The following ASCC2 variants were observed in gnomAD, a reference collection of about 807,000 sequenced individuals.
ASCC2 encodes the protein ASC-1 complex subunit P100.
ASCC2 carries 42 observed loss-of-function variants against 93.5 expected under a neutral mutation model. The observed-to-expected ratio is 0.45, with a 90% CI of 0.35 to 0.58. ASCC2 has a LOEUF of 0.58. ASCC2 is among the 20% of genes least tolerant of loss of function. ASCC2 has a pLI of 0.00. For missense variants in ASCC2, 859 were observed against 977.6 expected, an observed-to-expected ratio of 0.88 and a Z score of 1.62; for synonymous variants, 364 against 384.2, an observed-to-expected ratio of 0.95 and a Z score of 0.62.
At position 29,806,061 on chromosome 22, in the gene ASCC2, C is replaced by A. The variant is rs557220921; in HGVS notation, c.1160+155G>T. On this transcript the variant is annotated intron_variant, in intron 12 of 19. Transcript: ENST00000307790. ...GAGCAGCCATCTCCTCTAGAAAAGG[C>A]AAGGCTGGGACCTTGGCAGGCCACC... Among the ~76,000 whole-genome samples the A allele has an allele frequency of 4.6e-5, 7 of 152,238 alleles. No homozygotes were observed. In the East Asian group the frequency reaches 7.7e-4, roughly 17 times the overall value.
In ASCC2 at chr22:29,806,549, C is replaced by T. The variant is rs752644264; in HGVS notation, c.1021G>A (p.Asp341Asn). Residue 341 changes from aspartate to asparagine, a missense_variant, in exon 11 of 20, where the codon GAC (aspartate) becomes AAC (asparagine). Asp to Asn is a conservative substitution (Grantham distance 23). Coordinates refer to ENST00000307790, the MANE Select transcript of ASCC2 (RefSeq NM_032204.5). ...TCTTCGATGAAGCCCTGAATGTTGT[C>T]ACAGCTAGAACAAGACACCAGGGAA... Reference protein sequence around the residue: ...CLLPILESSCDNIQGFIEEFL... With the variant: ...CLLPILESSCNNIQGFIEEFL... 1.2e-6 allele frequency: 2 copies of T among 1,613,412 alleles called. No homozygotes were observed. Among genetic ancestry groups the T allele is most frequent in the East Asian group, 4.5e-5 (2 of 44,876 alleles).
Position 29,838,241 on chromosome 22 carries a change from G to C in ASCC2, c.-81C>G, listed in dbSNP as rs1289412766. The C allele has an allele frequency of 2.3e-6, 1 of 444,002 alleles. No individual in the cohort carries two copies. Among genetic ancestry groups the C allele is most frequent in the Non-Finnish European group, 4.6e-6 (1 of 219,664 alleles). 27.5% of individuals were successfully genotyped at this position (444,002 alleles called of 1,614,324 possible). On this transcript the variant is annotated 5_prime_UTR_variant, in exon 1 of 20. Transcript: ENST00000307790. ...GCCGCCGCCGCCGACCACGGTGACA[G>C]CTCCCTGAGCGCCCGCACTTCCGGG... is the stretch of plus-strand genomic sequence containing the variant.
intron 1 of ASCC2, chr22:29,834,394 C>G: frequency 2.3e-6 from 1 of 429,206 alleles, no homozygotes; most frequent in Non-Finnish European, 4.8e-6. Flanking sequence ...GCCTGGTACC[C>G]AAGGAACCTT....
chr22:29,819,169 T>C (rs1203841718), intron 5 of ASCC2, among the ~76,000 whole-genome samples: 1 of 151,124 alleles, frequency 6.6e-6, no homozygotes, highest in Non-Finnish European at 1.5e-5. Flanking sequence ...ACCCAATTTG[T>C]TTTTTTTTGA....
chr22:29,817,588 A>G (rs1291346197), intron 5 of ASCC2, among the ~76,000 whole-genome samples: 3 of 152,098 alleles, frequency 2.0e-5, no homozygotes, highest in Admixed American at 2.0e-4. Context: ...TACAACCCCC[A>G]GGGCCATACC....
At chr22:29,835,506 G>A (rs1340351733) in intron 1 of ASCC2, among the ~76,000 whole-genome samples, 1 of 152,144 alleles carries the variant, frequency 6.6e-6, no homozygotes, top group African/African-American at 2.4e-5. Flanking sequence ...GGTAGGGAGA[G>A]AGCGCTACAG....
chr22:29,837,954 G>GGAT (rs1848644517), intron 1 of ASCC2, among the ~76,000 whole-genome samples: 1 of 152,212 alleles, frequency 6.6e-6, no homozygotes, highest in Admixed American at 6.5e-5. Flanking sequence ...GGACGTGGGG[G>GGAT]GATCGTGGCT....
At chr22:29,820,913 C>CAAAAAAA (rs376815823) in intron 5 of ASCC2, among the ~76,000 whole-genome samples, 4 of 69,262 alleles carry the variant, frequency 5.8e-5, no homozygotes, top group East Asian at 1.2e-3. Flanking sequence ...TCTCAATACA[C>CAAAAAAA]AAAAAAAAAA....
chr22:29,788,865 T>A lies in ASCC2; in HGVS notation c.*148A>T. The A allele has an allele frequency of 1.1e-6, 1 of 932,378 alleles. No individual in the cohort carries two copies. Among genetic ancestry groups the A allele is most frequent in the Non-Finnish European group, 1.6e-6 (1 of 611,312 alleles). The allele number at this position is 932,378 out of a possible 1,614,324, so 57.8% of individuals were successfully genotyped here. ...AAGGCGCTCATGGCTGGCTGGTAGA[T>A]GAGAGGCGGCCTTCTCAGGGGCTGC... On this transcript the variant is annotated 3_prime_UTR_variant, in exon 20 of 20. Transcript: ENST00000307790.
At chr22:29,810,605 C>T (rs866590756) in intron 8 of ASCC2, among the ~76,000 whole-genome samples, 2 of 152,280 alleles carry the variant, frequency 1.3e-5, no homozygotes, top group Non-Finnish European at 1.5e-5. Flanking sequence ...CTATGGAGGG[C>T]GATTTGGCAA....
intron 1 of ASCC2, 29 bp downstream of exon 1, chr22:29,838,149 C>A (rs2148479079): frequency 4.3e-6 from 2 of 462,168 alleles, no homozygotes; most frequent in Middle Eastern, 6.4e-4. Context: ...CCTTGCCCTG[C>A]ATCTGGCAGG....
Position 29,825,708 on chromosome 22 carries a change from C to A in ASCC2, c.154G>T (p.Val52Leu). The change falls in exon 3 of 20, where the codon GTG becomes TTG. Residue 52 changes from valine to leucine, a missense_variant. Val to Leu is a conservative substitution (Grantham distance 32, BLOSUM62 1). Coordinates refer to ENST00000307790, the MANE Select transcript of ASCC2 (RefSeq NM_032204.5). The surrounding 1 kb of genome is among the most constrained non-coding windows in gnomAD (Gnocchi z 4.9). ...PPPKDNIPAL[V>L]EEYLERATFV... The stretch of plus-strand genomic sequence containing the variant: ...GTGGCGCGTTCCAGGTACTCCTCCA[C>A]TAGGGCGGGAATGTTGTCTTTAGGG... 1 of 1,614,206 alleles carries A rather than the reference C, an allele frequency of 6.2e-7. No individual in the cohort carries two copies. Among genetic ancestry groups the A allele is most frequent in the Non-Finnish European group, 8.5e-7 (1 of 1,180,028 alleles).
chr22:29,791,516 C>T (rs2057743631), intron 18 of ASCC2, among the ~76,000 whole-genome samples: 1 of 152,072 alleles, frequency 6.6e-6, no homozygotes, highest in Admixed American at 6.5e-5. Flanking sequence ...CCCGTCTTTA[C>T]TGAAAATACA....
At chr22:29,800,954 G>T (rs1483600684) in intron 15 of ASCC2, 37 bp downstream of exon 15, 1 of 1,554,524 alleles carries the variant, frequency 6.4e-7, no homozygotes, top group Non-Finnish European at 8.8e-7. Context: ...CACTTCCAGA[G>T]TTGGGGTATC....
chr22:29,824,964 A>C, intron 4 of ASCC2, 123 bp downstream of exon 4: 1 of 986,542 alleles, frequency 1.0e-6, no homozygotes, highest in South Asian at 3.2e-5. Context: ...CAGTGGGAAT[A>C]AAGATGGAAG....
rs867062976 is a variant in ASCC2 at position 29,793,813 on chromosome 22, G to A, written c.1689-137C>T. ...CGGAGACAAATGAAATCAAGCATTG[G>A]TGAGGGCGTGGGAGGGTGGGACTGT... On this transcript the variant is annotated intron_variant, in intron 15 of 19. Coordinates refer to ENST00000307790, the MANE Select transcript of ASCC2 (RefSeq NM_032204.5). The A allele has an allele frequency of 2.0e-4, 168 of 832,214 alleles. 1 individual carries two copies. The Middle Eastern group carries it at 4.8e-3, about 24-fold the overall frequency. The allele number at this position is 832,214 out of a possible 1,614,324, so 51.6% of individuals were successfully genotyped here.
chr22:29,806,302 TGA>T lies in ASCC2; in HGVS notation c.1086-14_1086-13del, dbSNP rs2059667642. The stretch of plus-strand genomic sequence containing the variant: ...AGTCCCGGAGGAACCTGCAGGCAGA[TGA>T]GAGCAGATGGGATGGACAGAGCTGG... On this transcript the variant is annotated splice_polypyrimidine_tract_variant and intron_variant, in intron 11 of 19. Coordinates refer to ENST00000307790, the MANE Select transcript of ASCC2 (RefSeq NM_032204.5). The T allele has an allele frequency of 6.2e-7, 1 of 1,613,792 alleles. No individual in the cohort carries two copies. The highest frequency in any genetic ancestry group is 1.7e-5 in the Admixed American group (1 of 60,024).
Position 29,825,542 on chromosome 22 carries a change from G to T in ASCC2, c.240+80C>A. 6.3e-7 allele frequency: 1 copy of T among 1,593,690 alleles called. No homozygotes were observed. The highest frequency in any genetic ancestry group is 8.6e-7 in the Non-Finnish European group (1 of 1,162,354). ...GAAGTAGACAAAAAAGCACCTCCTAGGGGAAGAAAAACAACAACAGCAACC... is the reference window on the plus strand; with the variant it reads ...GAAGTAGACAAAAAAGCACCTCCTATGGGAAGAAAAACAACAACAGCAACC... On this transcript the variant is annotated intron_variant, in intron 3 of 19. Coordinates refer to ENST00000307790, the MANE Select transcript of ASCC2 (RefSeq NM_032204.5). The surrounding 1 kb of genome is among the most constrained non-coding windows in gnomAD (Gnocchi z 4.9).
At chr22:29,816,097 G>A in intron 5 of ASCC2, 24 bp from the exon 6 acceptor site, 3 of 1,567,128 alleles carry the variant, frequency 1.9e-6, no homozygotes, top group Non-Finnish European at 2.6e-6. Flanking sequence ...AGAAAGGTTG[G>A]AATTGAGAAA....
Sources: allele counts gnomAD v4.1 joint callset (sites outside exome capture counted in the v4.1 genomes callset), GRCh38; gene constraint gnomAD v4.1.1; non-coding constraint Gnocchi (gnomAD v3.1); transcripts MANE v1.5; gene names NCBI Gene and HGNC (gene_info 2026-07-23, HGNC 2026-07-21).